The following MTA3 variants were observed in gnomAD, a reference collection of about 807,000 sequenced individuals.
The protein encoded by MTA3 is metastasis associated 1 family member 3.
A neutral mutation model predicts 83.5 loss-of-function variants in MTA3; 34 were observed. The ratio of observed to expected loss-of-function variants is 0.41; its 90% CI spans 0.31 to 0.54. The LOEUF (loss-of-function observed/expected upper bound fraction) is 0.54, where lower values mean the gene tolerates loss of function less well. Ranked by LOEUF, MTA3 falls within the 20% of genes least tolerant of loss-of-function variation. The probability of loss-of-function intolerance (pLI) is 0.33; values close to 1 mark genes in which losing one functional copy is unlikely to be tolerated. For synonymous variants in MTA3, 303 were observed against 252.7 expected (o/e 1.20, Z -1.89); for missense variants, 761 against 726.4 (o/e 1.05, Z -0.55).
At position 42,640,219 on chromosome 2, in the gene MTA3, T is replaced by C; in HGVS notation, c.364T>C (p.Ser122Pro). The C allele has an allele frequency of 6.2e-7, 1 of 1,607,538 alleles. No individual in the cohort carries two copies. The highest frequency in any genetic ancestry group is 8.5e-7 in the Non-Finnish European group (1 of 1,177,522). ...TCTGAATGAGACAGAATCAGTATTG[T>C]CATATCTTGATAAGGAGGTAATTCA... ...ALLNETESVL[S>P]YLDKEDTFFY... The change falls in exon 5 of 17, where the codon TCA (serine) becomes CCA (proline). Residue 122 changes from serine (S) to proline (P), a missense_variant. Physicochemically the swap from Ser to Pro is moderately conservative, Grantham distance 74 (BLOSUM62 -1). Transcript: ENST00000405094.
intron 3 of MTA3, among the ~76,000 whole-genome samples, chr2:42,602,107 T>C (rs1196387611): frequency 6.6e-6 from 1 of 152,174 alleles, no homozygotes; most frequent in Middle Eastern, 3.2e-3. Context: ...CCCCAAAGTG[T>C]TGGGATTACA....
chr2:42,656,677 C>T lies in MTA3; in HGVS notation c.602+375C>T, dbSNP rs548953803. Among the ~76,000 whole-genome samples, 7 of 152,298 alleles carry T rather than the reference C, an allele frequency of 4.6e-5. No individual in the cohort carries two copies. The South Asian group carries it at 1.2e-3, about 27-fold the overall frequency. On this transcript the variant is annotated intron_variant, in intron 7 of 16. Transcript: ENST00000405094. ...GAATGTGCACCTGGAATTCGCTCACCGCATCCATGTGTGGGTAAGGCCTGT... is the reference window on the plus strand; with the variant it reads ...GAATGTGCACCTGGAATTCGCTCACTGCATCCATGTGTGGGTAAGGCCTGT...
At chr2:42,746,255 T>C (rs1236776283) in intron 16 of MTA3, among the ~76,000 whole-genome samples, 1 of 152,198 alleles carries the variant, frequency 6.6e-6, no homozygotes, top group Admixed American at 6.5e-5. Flanking sequence ...AAACTTGAAA[T>C]AGAATGATTC....
chr2:42,661,966 G>A (rs144378089), intron 8 of MTA3, among the ~76,000 whole-genome samples: 1 of 152,010 alleles, frequency 6.6e-6, no homozygotes, highest in African/African-American at 2.4e-5. Context: ...TAACAGATCT[G>A]CTATGTATGT....
At chr2:42,649,303 A>C (rs954943701) in intron 6 of MTA3, among the ~76,000 whole-genome samples, 1 of 152,036 alleles carries the variant, frequency 6.6e-6, no homozygotes, top group Admixed American at 6.6e-5. Flanking sequence ...AGGCTGAGGC[A>C]GGAGAATTGC....
intron 8 of MTA3, among the ~76,000 whole-genome samples, chr2:42,674,230 G>A (rs1054119376): frequency 6.6e-6 from 1 of 152,200 alleles, no homozygotes; most frequent in Non-Finnish European, 1.5e-5. Flanking sequence ...CAACATCAGT[G>A]GAGTGGAAGA....
rs188462508 is a variant in MTA3, at chr2:42,625,608, G to A, written c.318-14565G>A. ...AAAAATACAAAAAAATTAGCTGGGC[G>A]TGGTGGCAGGCGCCTGTAGTCCCAG... On this transcript the variant is annotated intron_variant, in intron 4 of 16. Transcript: ENST00000405094. Among the ~76,000 whole-genome samples the A allele has an allele frequency of 1.7e-3, 259 of 150,366 alleles. 5 individuals are homozygous for A. Among genetic ancestry groups the A allele is most frequent in the African/African-American group, 6.2e-3 (249 of 40,484 alleles).
At chr2:42,525,422 A>C (rs367870788) in intron 2 of MTA3, among the ~76,000 whole-genome samples, 1 of 149,392 alleles carries the variant, frequency 6.7e-6, no homozygotes, top group African/African-American at 2.5e-5. Flanking sequence ...TTGGTCTTGC[A>C]CTCCTGAGCT....
At chr2:42,660,720 C>T (rs900408004) in intron 8 of MTA3, among the ~76,000 whole-genome samples, 2 of 152,182 alleles carry the variant, frequency 1.3e-5, no homozygotes, top group Non-Finnish European at 2.9e-5. Flanking sequence ...ACAAAAGTTT[C>T]AATATTGTTT....
At chr2:42,667,085 C>T (rs1690295900) in intron 8 of MTA3, among the ~76,000 whole-genome samples, 1 of 152,036 alleles carries the variant, frequency 6.6e-6, no homozygotes, top group Non-Finnish European at 1.5e-5. Flanking sequence ...ACCCCTCATC[C>T]TTTTTAAGAG....
In MTA3 at chr2:42,644,251, T is replaced by G. The variant is rs1403725850; in HGVS notation, c.499+7T>G. On this transcript the variant is annotated splice_region_variant and intron_variant, in intron 6 of 16. Coordinates refer to ENST00000405094, the MANE Select transcript of MTA3 (RefSeq NM_001330442.2). Reference sequence around the variant, plus strand: ...CCAGAAATGCTGTTAGAAGGTACGTTTTTCTGCGTGTTTGCAGTTTTGTGA... The same window carrying G: ...CCAGAAATGCTGTTAGAAGGTACGTGTTTCTGCGTGTTTGCAGTTTTGTGA... The G allele has an allele frequency of 1.9e-6, 3 of 1,582,420 alleles. No individual in the cohort carries two copies. In the South Asian group the frequency reaches 3.4e-5, roughly 18 times the overall value.
chr2:42,532,837 T>A, intron 2 of MTA3: 1 of 395,900 alleles, frequency 2.5e-6, no homozygotes, highest in Non-Finnish European at 5.0e-6. Context: ...TGTGCTTCTC[T>A]GGGTGGAGCT....
intron 4 of MTA3, among the ~76,000 whole-genome samples, chr2:42,638,405 T>A (rs1380742563): frequency 6.6e-6 from 1 of 152,140 alleles, no homozygotes; most frequent in Non-Finnish European, 1.5e-5. Context: ...TTTTTTTTTT[T>A]TGAGACAGGG....
At chr2:42,605,722 C>T (rs1173174865) in intron 3 of MTA3, among the ~76,000 whole-genome samples, 2 of 131,228 alleles carry the variant, frequency 1.5e-5, no homozygotes, top group East Asian at 4.9e-4. Context: ...GGCCGACCCC[C>T]CCACCTCCCT....
intron 4 of MTA3, among the ~76,000 whole-genome samples, chr2:42,615,505 G>A (rs1055468049): frequency 6.6e-6 from 1 of 151,342 alleles, no homozygotes; most frequent in Non-Finnish European, 1.5e-5. Flanking sequence ...ACAGGCATGC[G>A]CCAGCGTGCT....
At chr2:42,619,347 T>A (rs760272865) in intron 4 of MTA3, among the ~76,000 whole-genome samples, 1 of 152,222 alleles carries the variant, frequency 6.6e-6, no homozygotes, top group Non-Finnish European at 1.5e-5. Context: ...AGTATATTCA[T>A]CTAGATGCTT....
intron 16 of MTA3, among the ~76,000 whole-genome samples, chr2:42,740,225 C>T (rs187712505): frequency 5.3e-5 from 8 of 152,332 alleles, no homozygotes; most frequent in African/African-American, 1.9e-4. Context: ...TAAACTTATT[C>T]CTTGGCTGGG....
chr2:42,725,317 A>G (rs1216816305), intron 16 of MTA3, among the ~76,000 whole-genome samples: 2 of 152,230 alleles, frequency 1.3e-5, no homozygotes, highest in African/African-American at 2.4e-5. Context: ...ACCAGGCACT[A>G]CAGAGATGAA....
At chr2:42,576,606 A>G (rs536863067) in intron 2 of MTA3, among the ~76,000 whole-genome samples, 29 of 151,510 alleles carry the variant, frequency 1.9e-4, no homozygotes, top group African/African-American at 6.5e-4. Context: ...ATCTCTGAAA[A>G]AAACCAAAAC....
Sources: allele counts gnomAD v4.1 joint callset (sites outside exome capture counted in the v4.1 genomes callset), GRCh38; gene constraint gnomAD v4.1.1; transcripts MANE v1.5; gene names NCBI Gene and HGNC (gene_info 2026-07-23, HGNC 2026-07-21).